The following CPQ variants were observed in gnomAD, a reference collection of about 807,000 sequenced individuals.
CPQ encodes the protein Ser-Met dipeptidase.
CPQ carries 37 observed loss-of-function variants against 45.7 expected under a neutral mutation model. The ratio of observed to expected loss-of-function variants is 0.81; its 90% CI spans 0.62 to 1.07. CPQ has a LOEUF of 1.07. Among genes scored for constraint, CPQ ranks in the 50% least tolerant of loss-of-function variants. CPQ has a pLI of 0.00. For synonymous variants in CPQ, 186 were observed against 205.8 expected (o/e 0.90, Z 0.82); for missense variants, 537 against 572.9 (o/e 0.94, Z 0.64).
At chr8:96,928,133 C>T (rs1812917605) in intron 4 of CPQ, among the ~76,000 whole-genome samples, 1 of 152,106 alleles carries the variant, frequency 6.6e-6, no homozygotes, top group Admixed American at 6.6e-5. Flanking sequence ...GTTGACTGTG[C>T]CCATCTTTTA....
chr8:97,063,538 C>A (rs1203315821), intron 6 of CPQ, among the ~76,000 whole-genome samples: 3 of 152,112 alleles, frequency 2.0e-5, no homozygotes, highest in Admixed American at 1.3e-4. Flanking sequence ...GTCATGAAAA[C>A]TTTGCTAGTT....
At chr8:96,993,224 C>T (rs1288499779) in intron 5 of CPQ, among the ~76,000 whole-genome samples, 1 of 152,100 alleles carries the variant, frequency 6.6e-6, no homozygotes. Context: ...TATTGTGTTG[C>T]CTGAATGGGT....
chr8:96,837,060 T>C (rs532663149), intron 3 of CPQ, among the ~76,000 whole-genome samples: 1 of 152,300 alleles, frequency 6.6e-6, no homozygotes, highest in East Asian at 1.9e-4. Context: ...TTATTTGCTC[T>C]GACAACAATT....
rs752150876 is a variant in CPQ, at chr8:97,066,916, CTTTTTTT to C, written c.1255+729_1255+735del. 1.8e-4 allele frequency among the ~76,000 whole-genome samples: 11 copies of C among 60,398 alleles called. No homozygotes were observed. The East Asian group carries it at 4.3e-3, about 24-fold the overall frequency. 39.6% of individuals were successfully genotyped at this position (60,398 alleles called of 152,430 possible). A position where few individuals can be genotyped will look rare whatever the true frequency, so the allele number is the denominator to read the frequency against. On this transcript the variant is annotated intron_variant, in intron 7 of 7. Transcript: ENST00000220763. ...TACAAGCTGGAACAGCTGGAACAGT[CTTTTTTT>C]TTTTTTTTTTTTTTTTTTTTTTAGA... is the stretch of plus-strand genomic sequence containing the variant.
chr8:96,681,166 T>C (rs936354543), intron 1 of CPQ, among the ~76,000 whole-genome samples: 70 of 152,340 alleles, frequency 4.6e-4, no homozygotes, highest in African/African-American at 1.6e-3. Flanking sequence ...ACATAAATAA[T>C]GAGGATCCTA....
At chr8:96,673,975 G>A (rs1299421422) in intron 1 of CPQ, among the ~76,000 whole-genome samples, 1 of 2,040 alleles carries the variant, frequency 4.9e-4, no homozygotes, top group Non-Finnish European at 1.1e-3. Flanking sequence ...GTAAGAAAGT[G>A]GAAGTGGAGG....
Position 97,137,882 on chromosome 8 carries a change from C to T in CPQ, c.1256-5138C>T, listed in dbSNP as rs1187852923. Among the ~76,000 whole-genome samples the T allele has an allele frequency of 2.0e-5, 3 of 149,044 alleles. No individual in the cohort carries two copies. The East Asian group carries it at 5.8e-4, about 29-fold the overall frequency. ...CCAGCCTGGGCGAAGAGCAAGACTC[C>T]GTCTCAAAAAAAAAAAAGGACTTCT... On this transcript the variant is annotated intron_variant, in intron 7 of 7. Transcript: ENST00000220763.
chr8:96,862,798 G>T (rs893774625), intron 3 of CPQ, among the ~76,000 whole-genome samples: 3 of 152,010 alleles, frequency 2.0e-5, no homozygotes, highest in Non-Finnish European at 4.4e-5. Context: ...CCTATGTGAC[G>T]ATGTTCTGGC....
At chr8:96,858,703 T>G (rs1811887615) in intron 3 of CPQ, among the ~76,000 whole-genome samples, 1 of 152,148 alleles carries the variant, frequency 6.6e-6, no homozygotes, top group Non-Finnish European at 1.5e-5. Context: ...ACTCCTGAGG[T>G]GACTGAACTG....
At position 96,946,565 on chromosome 8, in the gene CPQ, T is replaced by G. The variant is rs920016030; in HGVS notation, c.850-19370T>G. Reference sequence around the variant, plus strand: ...GCTGCACCCACTAACTCTAGTTATATCTCCCAATGCTATCCCTCCCCCTCC... The same window carrying G: ...GCTGCACCCACTAACTCTAGTTATAGCTCCCAATGCTATCCCTCCCCCTCC... On this transcript the variant is annotated intron_variant, in intron 4 of 7. Coordinates refer to ENST00000220763, the MANE Select transcript of CPQ (RefSeq NM_016134.4). 7.1e-4 allele frequency among the ~76,000 whole-genome samples: 108 copies of G among 151,804 alleles called. 1 individual carries two copies. The highest frequency in any genetic ancestry group is 2.6e-3 in the African/African-American group (107 of 41,418).
intron 7 of CPQ, among the ~76,000 whole-genome samples, chr8:97,091,938 A>G (rs1811133690): frequency 6.6e-6 from 1 of 152,114 alleles, no homozygotes; most frequent in Non-Finnish European, 1.5e-5. Flanking sequence ...CCTCATTCTT[A>G]TCACCCCAGG....
chr8:96,665,410 A>T (rs114096467), intron 1 of CPQ, among the ~76,000 whole-genome samples: 198 of 152,326 alleles, frequency 1.3e-3, no homozygotes, highest in African/African-American at 4.5e-3. Context: ...GAATGATGAG[A>T]TTTAATGACT....
At chr8:97,041,682 T>C (rs552353372) in intron 6 of CPQ, among the ~76,000 whole-genome samples, 38 of 152,228 alleles carry the variant, frequency 2.5e-4, no homozygotes, top group African/African-American at 7.5e-4. Flanking sequence ...TTATTGAGAG[T>C]TTTTAGCATG....
chr8:96,988,658 G>A (rs974458454), intron 5 of CPQ, among the ~76,000 whole-genome samples: 2 of 152,160 alleles, frequency 1.3e-5, no homozygotes, highest in African/African-American at 2.4e-5. Flanking sequence ...TCTAAGACAC[G>A]ATCAGGAAAA....
At chr8:96,876,898 G>A (rs780871134) in intron 3 of CPQ, among the ~76,000 whole-genome samples, 7 of 152,078 alleles carry the variant, frequency 4.6e-5, no homozygotes, top group Non-Finnish European at 7.4e-5. Flanking sequence ...CTTTTCTTGT[G>A]TTGTGATGCC....
chr8:96,708,435 G>A (rs200337498), intron 1 of CPQ, among the ~76,000 whole-genome samples: 2,950 of 59,980 alleles, frequency 0.049, 106 homozygotes, highest in African/African-American at 0.12. Context: ...GTGTGTGTGT[G>A]TGTATATATA....
At position 96,648,736 on chromosome 8, in the gene CPQ, A is replaced by G. The variant is rs1350186421; in HGVS notation, c.-35+3334A>G. ...TGGAACTCAGGAAGACTTTGCAGAG[A>G]AGGTGAATTTTGAACTGTGTTTTAA... is the stretch of plus-strand genomic sequence containing the variant. On this transcript the variant is annotated intron_variant, in intron 1 of 7. Coordinates refer to ENST00000220763, the MANE Select transcript of CPQ (RefSeq NM_016134.4). 1.3e-5 allele frequency among the ~76,000 whole-genome samples: 2 copies of G among 152,050 alleles called. 1 individual carries two copies. Among genetic ancestry groups the G allele is most frequent in the South Asian group, 4.1e-4 (2 of 4,828 alleles).
At chr8:97,064,763 C>T (rs62508629) in intron 6 of CPQ, among the ~76,000 whole-genome samples, 4 of 152,102 alleles carry the variant, frequency 2.6e-5, no homozygotes, top group Non-Finnish European at 2.9e-5. Flanking sequence ...ATGCAATCCC[C>T]AAATTGTTAT....
Position 96,879,934 on chromosome 8 carries a change from GC to G in CPQ, c.779del (p.Ala260GlufsTer13). 1 of 1,614,076 alleles carries G rather than the reference GC, an allele frequency of 6.2e-7. No homozygotes were observed. The highest frequency in any genetic ancestry group is 8.5e-7 in the Non-Finnish European group (1 of 1,179,976). On this transcript the variant is annotated frameshift_variant, in exon 4 of 8. Coordinates refer to ENST00000220763, the MANE Select transcript of CPQ (RefSeq NM_016134.4). LOFTEE classifies it high-confidence loss of function. ...IKIVIQLKMG[A>X]KTYPDTDSFN... ...AATTGTCATTCAGCTAAAGATGGGG[GC>G]AAAGACCTACCCAGATACTGATTCC... is the stretch of plus-strand genomic sequence containing the variant.
Sources: gnomAD v4.1 joint callset for allele counts (sites outside exome capture counted in the v4.1 genomes callset) on GRCh38, gnomAD v4.1.1 for gene constraint, MANE v1.5 for transcripts, NCBI Gene and HGNC (gene_info 2026-07-23, HGNC 2026-07-21) for gene names.